MRPL30: variants seen among roughly 807,000 people sequenced by gnomAD.
The protein encoded by MRPL30 is large ribosomal subunit protein uL30m.
A neutral mutation model predicts 17.2 loss-of-function variants in MRPL30; 10 were observed. The ratio of observed to expected loss-of-function variants is 0.58; its 90% CI spans 0.36 to 0.99. MRPL30 has a LOEUF of 0.99. Among genes scored for constraint, MRPL30 ranks in the 50% least tolerant of loss-of-function variants. MRPL30 has a pLI of 0.01. For missense variants in MRPL30, 170 were observed against 189.8 expected (o/e 0.90, Z 0.61); for synonymous variants, 61 against 62.1 (o/e 0.98, Z 0.08).
At chr2:99,183,546 G>A (rs1428015885) in intron 1 of MRPL30, among the ~76,000 whole-genome samples, 2 of 147,980 alleles carry the variant, frequency 1.4e-5, no homozygotes, top group Non-Finnish European at 3.0e-5. Flanking sequence ...TCCAGCCTGG[G>A]TGACAAAGCG....
rs901311085 is a variant in MRPL30 at position 99,186,091 on chromosome 2, G to A, written c.-27-86G>A. ...CTGTTAAGTTTACAATTAATTTGCTGCTTAGTTTTTTAATACTAGAGAAGG... is the reference window on the plus strand; with the variant it reads ...CTGTTAAGTTTACAATTAATTTGCTACTTAGTTTTTTAATACTAGAGAAGG... On this transcript the variant is annotated intron_variant, in intron 1 of 5. Coordinates refer to ENST00000338148, the MANE Select transcript of MRPL30 (RefSeq NM_145212.4). 2.0e-5 allele frequency: 16 copies of A among 796,440 alleles called. No individual in the cohort carries two copies. The African/African-American group carries it at 2.5e-4, about 12-fold the overall frequency. The allele number at this position is 796,440 out of a possible 1,614,324, so 49.3% of individuals were successfully genotyped here.
In MRPL30 at chr2:99,181,203, G is replaced by T; in HGVS notation, c.-74G>T. On this transcript the variant is annotated 5_prime_UTR_variant, in exon 1 of 6. Coordinates refer to ENST00000338148, the MANE Select transcript of MRPL30 (RefSeq NM_145212.4). The stretch of plus-strand genomic sequence containing the variant: ...CACTTGGTAGTTCTTCCTCTGCTCT[G>T]CTTCCCTTCGGAGGAAAATTTCAGG... 1 of 552,504 alleles carries T rather than the reference G, an allele frequency of 1.8e-6. No individual in the cohort carries two copies. The highest frequency in any genetic ancestry group is 3.0e-6 in the Non-Finnish European group (1 of 331,216). The allele number at this position is 552,504 out of a possible 1,614,324, so 34.2% of individuals were successfully genotyped here. A position where few individuals can be genotyped will look rare whatever the true frequency, so the allele number is the denominator to read the frequency against.
intron 5 of MRPL30, 99 bp from the exon 6 acceptor site, chr2:99,195,474 A>G (rs1350454582): frequency 1.9e-5 from 26 of 1,340,740 alleles, no homozygotes; most frequent in Admixed American, 2.5e-5. Context: ...CCTCCTAGCT[A>G]TTTGAAACTA....
chr2:99,184,469 A>G (rs1288392752), intron 1 of MRPL30, among the ~76,000 whole-genome samples: 1 of 152,188 alleles, frequency 6.6e-6, no homozygotes, highest in African/African-American at 2.4e-5. Context: ...CCAATCTAGT[A>G]TATAAGGATC....
chr2:99,194,698 C>T, intron 3 of MRPL30, 53 bp from the exon 4 acceptor site: 2 of 1,512,684 alleles, frequency 1.3e-6, no homozygotes, highest in East Asian at 2.4e-5. Context: ...ATGGGAGGTA[C>T]ACAGAAACTG....
In MRPL30 at chr2:99,198,304, G is replaced by T. The variant is rs2105252223; in HGVS notation, c.*2599G>T. ...TCTCAGTGCTGGAAAAACGTGTCTG[G>T]CCAGGTGCTCATTGTAGCTTTGACA... On this transcript the variant is annotated 3_prime_UTR_variant, in exon 6 of 6. Transcript: ENST00000338148. Among the ~76,000 whole-genome samples, 1 of 152,288 alleles carries T rather than the reference G, an allele frequency of 6.6e-6. No homozygotes were observed. The highest frequency in any genetic ancestry group is 3.4e-3 in the Middle Eastern group (1 of 294).
chr2:99,187,608 G>A (rs527350622), intron 2 of MRPL30, among the ~76,000 whole-genome samples: 15 of 152,098 alleles, frequency 9.9e-5, no homozygotes, highest in African/African-American at 3.4e-4. Context: ...GACGGATCAC[G>A]AGGTCAGGAG....
rs570783135 is a variant in MRPL30 at position 99,182,020 on chromosome 2, G to C, written c.-28+771G>C. 1.6e-4 allele frequency among the ~76,000 whole-genome samples: 24 copies of C among 152,088 alleles called. No homozygotes were observed. The East Asian group carries it at 4.1e-3, about 26-fold the overall frequency. ...AAGACAAAAGAACTATCGGTCGCTG[G>C]GGGGGAGAAGGGGGAGGAAAAACGC... On this transcript the variant is annotated intron_variant, in intron 1 of 5. Coordinates refer to ENST00000338148, the MANE Select transcript of MRPL30 (RefSeq NM_145212.4).
chr2:99,187,048 C>T (rs1211283119), intron 2 of MRPL30: 1 of 152,158 alleles, frequency 6.6e-6, no homozygotes, highest in African/African-American at 2.4e-5. Context: ...TTACCTTAAC[C>T]TCAGATTAAT....
chr2:99,194,874 A>G lies in MRPL30; in HGVS notation c.256A>G (p.Ile86Val). The G allele has an allele frequency of 6.3e-7, 1 of 1,575,856 alleles. No individual in the cohort carries two copies. Among genetic ancestry groups the G allele is most frequent in the South Asian group, 1.2e-5 (1 of 84,306 alleles). Residue 86 changes from isoleucine to valine, a missense_variant, in exon 4 of 6, where the codon ATA becomes GTA. Transcript: ENST00000338148. ...RRRPYWEKDI[I>V]KMLGLEKAHT... Reference sequence around the variant, plus strand: ...ACGTCCATATTGGGAAAAAGATATAATAAAGATGCTTGGATTAGAAAAAGT... The same window carrying G: ...ACGTCCATATTGGGAAAAAGATATAGTAAAGATGCTTGGATTAGAAAAAGT...
chr2:99,181,590 G>A (rs1278124403), intron 1 of MRPL30, among the ~76,000 whole-genome samples: 1 of 134,770 alleles, frequency 7.4e-6, no homozygotes, highest in Non-Finnish European at 1.6e-5. Flanking sequence ...GTTGCCACTG[G>A]GTATTAAGGT....
In MRPL30 at chr2:99,197,255, C is replaced by G. The variant is rs191688012; in HGVS notation, c.*1550C>G. On this transcript the variant is annotated 3_prime_UTR_variant, in exon 6 of 6. Coordinates refer to ENST00000338148, the MANE Select transcript of MRPL30 (RefSeq NM_145212.4). Reference sequence around the variant, plus strand: ...GATGATGATGAAGAACCTCTGCATTCTAGTTACCCTTTGCTTCCCTTCACC... The same window carrying G: ...GATGATGATGAAGAACCTCTGCATTGTAGTTACCCTTTGCTTCCCTTCACC... 1.4e-4 allele frequency: 22 copies of G among 152,312 alleles called. No individual in the cohort carries two copies. The highest frequency in any genetic ancestry group is 5.1e-4 in the African/African-American group (21 of 41,572). The allele number at this position is 152,312 out of a possible 1,614,324, so 9.4% of individuals were successfully genotyped here.
chr2:99,188,192 G>A lies in MRPL30; in HGVS notation c.67G>A (p.Val23Met), dbSNP rs1438115670. The stretch of plus-strand genomic sequence containing the variant: ...CATATTTTAGACTGTGACAAAAGGT[G>A]TGGAGTCTCTTATTTGTACAGATTG... ...PGRLQTVTKG[V>M]ESLICTDWIR... Residue 23 changes from valine to methionine, a missense_variant, in exon 3 of 6, where the codon GTG (valine) becomes ATG (methionine). By Grantham distance (21) the Val-to-Met change is conservative. Coordinates refer to ENST00000338148, the MANE Select transcript of MRPL30 (RefSeq NM_145212.4). 1.2e-6 allele frequency: 2 copies of A among 1,600,250 alleles called. No homozygotes were observed. The highest frequency in any genetic ancestry group is 2.2e-5 in the East Asian group (1 of 44,754).
intron 3 of MRPL30, among the ~76,000 whole-genome samples, chr2:99,191,196 A>G (rs886236898): frequency 1.6e-4 from 25 of 151,926 alleles, no homozygotes; most frequent in Non-Finnish European, 1.9e-4. Context: ...TAGTAGAGAC[A>G]GGGTTTCACC....
rs772655289 is a variant in MRPL30, at chr2:99,194,900, A to G, written c.279+3A>G. The G allele has an allele frequency of 6.4e-7, 1 of 1,559,724 alleles. No homozygotes were observed. The highest frequency in any genetic ancestry group is 1.2e-5 in the South Asian group (1 of 82,590). ...TAAAGATGCTTGGATTAGAAAAAGT[A>G]TGCAATTATTTTAATCATCTTTAGT... On this transcript the variant is annotated splice_donor_region_variant and intron_variant, in intron 4 of 5. Transcript: ENST00000338148.
intron 3 of MRPL30, among the ~76,000 whole-genome samples, chr2:99,190,258 G>A (rs1182095198): frequency 3.3e-5 from 5 of 152,166 alleles, no homozygotes; most frequent in Non-Finnish European, 5.9e-5. Context: ...TGTGCTTGGT[G>A]TTCTTTTATC....
intron 4 of MRPL30, 107 bp downstream of exon 4, chr2:99,195,004 T>G: frequency 7.4e-7 from 1 of 1,345,826 alleles, no homozygotes; most frequent in Non-Finnish European, 1.0e-6. Flanking sequence ...TTACTTAGGG[T>G]AATTTATTTA....
intron 3 of MRPL30, among the ~76,000 whole-genome samples, chr2:99,194,405 A>G (rs1432394961): frequency 1.3e-5 from 2 of 151,966 alleles, no homozygotes; most frequent in Non-Finnish European, 2.9e-5. Flanking sequence ...TTCATTTTTA[A>G]TTTACATGTT....
In MRPL30 at chr2:99,198,762, T is replaced by G. The variant is rs2093958993; in HGVS notation, c.*3057T>G. On this transcript the variant is annotated 3_prime_UTR_variant, in exon 6 of 6. Transcript: ENST00000338148. ...GGTTTGTTCCTCGGTCTTGACTTTG[T>G]GTCTTTGAGGATTGCTTTGTTTAGT... Among the ~76,000 whole-genome samples the G allele has an allele frequency of 6.6e-6, 1 of 152,200 alleles. No homozygotes were observed. Among genetic ancestry groups the G allele is most frequent in the Non-Finnish European group, 1.5e-5 (1 of 68,036 alleles).
Sources: allele counts gnomAD v4.1 joint callset (sites outside exome capture counted in the v4.1 genomes callset), GRCh38; gene constraint gnomAD v4.1.1; transcripts MANE v1.5; gene names NCBI Gene and HGNC (gene_info 2026-07-23, HGNC 2026-07-21).